The following IGFL2 variants were observed in gnomAD, a reference collection of about 807,000 sequenced individuals.
IGFL2 encodes IGF like family member 2, also known as insulin growth factor-like family member 2.
A neutral mutation model predicts 13.9 loss-of-function variants in IGFL2; 7 were observed. That is an observed-to-expected ratio of 0.51 (90% CI 0.29 to 0.95). IGFL2 has a LOEUF of 0.95. IGFL2 is among the 40% of genes least tolerant of loss of function. IGFL2 has a pLI of 0.08. For missense variants in IGFL2, 138 were observed against 147.8 expected (o/e 0.93, Z 0.34); for synonymous variants, 55 against 55.8 (o/e 0.99, Z 0.07).
the IGFL2 span, chr19:46,196,291 G>A: frequency 2.8e-4 from 67 of 240,960 alleles, no homozygotes; most frequent in East Asian, 6.9e-3. Context: ...ATTCCCACCC[G>A]AGCCCATCTC....
At chr19:46,137,326 G>T in the IGFL2 span, 1 of 1,089,320 alleles carries the variant, frequency 9.2e-7, no homozygotes, top group Non-Finnish European at 1.4e-6. Flanking sequence ...TCATTTATCT[G>T]AGAAGCTTGT....
chr19:46,209,107 G>GA, the IGFL2 span: 56,253 of 151,894 alleles, frequency 0.37, 11,818 homozygotes, highest in Middle Eastern at 0.51. Context: ...CAGACTATAA[G>GA]ACCCAGAAAA....
the IGFL2 span, among the ~76,000 whole-genome samples, chr19:46,194,850 ATATTTTTTTT>A: frequency 1.7e-4 from 6 of 35,616 alleles, no homozygotes; most frequent in Non-Finnish European, 1.6e-4. Context: ...ATATATATAT[ATATTTTTTTT>A]TTTTTTTTTT....
At chr19:46,213,845 C>A in the IGFL2 span, 1 of 153,954 alleles carries the variant, frequency 6.5e-6, no homozygotes. Flanking sequence ...CCACTCCCCC[C>A]ACCACCCCAT....
the IGFL2 span, among the ~76,000 whole-genome samples, chr19:46,188,421 C>T: frequency 6.6e-6 from 1 of 152,122 alleles, no homozygotes; most frequent in African/African-American, 2.4e-5. Flanking sequence ...ACCGCCCCCC[C>T]CACTCTCCTC....
the IGFL2 span, chr19:46,214,143 TC>T: frequency 1.3e-5 from 2 of 152,380 alleles, no homozygotes; most frequent in East Asian, 3.9e-4. Flanking sequence ...GGTATTGACA[TC>T]AAAGCATCAC....
At chr19:46,107,521 G>A in the IGFL2 span, among the ~76,000 whole-genome samples, 1 of 152,332 alleles carries the variant, frequency 6.6e-6, no homozygotes, top group South Asian at 2.1e-4. Context: ...AAGATCCTGG[G>A]GGAGGAGGTC....
chr19:46,098,602 C>T, the IGFL2 span, among the ~76,000 whole-genome samples: 4 of 151,918 alleles, frequency 2.6e-5, no homozygotes, highest in African/African-American at 9.7e-5. Flanking sequence ...CGTCAGCCTC[C>T]CAAGTAGCTG....
At chr19:46,131,611 A>C in the IGFL2 span, among the ~76,000 whole-genome samples, 1 of 152,182 alleles carries the variant, frequency 6.6e-6, no homozygotes, top group African/African-American at 2.4e-5. Context: ...ATGCTCTTCG[A>C]GGCTGAAGCG....
the IGFL2 span, among the ~76,000 whole-genome samples, chr19:46,079,587 C>G: frequency 6.6e-6 from 1 of 152,180 alleles, no homozygotes; most frequent in African/African-American, 2.4e-5. Flanking sequence ...AGGCCTCAGG[C>G]GCTTTGGAAA....
At chr19:46,121,514 A>G in the IGFL2 span, among the ~76,000 whole-genome samples, 3 of 150,628 alleles carry the variant, frequency 2.0e-5, no homozygotes, top group Admixed American at 6.6e-5. Context: ...CACTGAGAGG[A>G]GTAGTATTTT....
At chr19:46,096,487 C>G in the IGFL2 span, among the ~76,000 whole-genome samples, 1 of 152,106 alleles carries the variant, frequency 6.6e-6, no homozygotes, top group Non-Finnish European at 1.5e-5. Context: ...TTGACTTTCT[C>G]TCTTCCTATT....
At chr19:46,102,205 G>A in the IGFL2 span, among the ~76,000 whole-genome samples, 972 of 148,314 alleles carry the variant, frequency 6.6e-3, 6 homozygotes, top group Non-Finnish European at 9.4e-3. Flanking sequence ...AATTTCATGC[G>A]CGCGTCTGTG....
chr19:46,113,604 C>T, the IGFL2 span: 1 of 284,022 alleles, frequency 3.5e-6, no homozygotes. Flanking sequence ...AGACTTTTGG[C>T]TCCACTGATG....
chr19:46,193,072 A>G, the IGFL2 span, among the ~76,000 whole-genome samples: 1 of 152,014 alleles, frequency 6.6e-6, no homozygotes, highest in Admixed American at 6.5e-5. Context: ...TGTGTCTGTG[A>G]TCCCAGCTAC....
At chr19:46,213,554 C>A in the IGFL2 span, 1 of 156,272 alleles carries the variant, frequency 6.4e-6, no homozygotes. Context: ...GCTCGCTCCC[C>A]ACCCCAAACT....
chr19:46,100,090 T>G, the IGFL2 span, among the ~76,000 whole-genome samples: 1 of 152,120 alleles, frequency 6.6e-6, no homozygotes, highest in Non-Finnish European at 1.5e-5. Flanking sequence ...TTAGCAAAGT[T>G]TATTACCTAC....
chr19:46,174,353 C>G, the IGFL2 span, among the ~76,000 whole-genome samples: 1 of 152,110 alleles, frequency 6.6e-6, no homozygotes, highest in Non-Finnish European at 1.5e-5. Flanking sequence ...TTGTGGCTGG[C>G]TCTGGAGATC....
chr19:46,129,351 G>GTC, the IGFL2 span, among the ~76,000 whole-genome samples: 1 of 140,018 alleles, frequency 7.1e-6, no homozygotes, highest in African/African-American at 2.6e-5. Context: ...GTGTGTGTGT[G>GTC]TCTCTGTCTC....
Sources: gnomAD v4.1 joint callset for allele counts (sites outside exome capture counted in the v4.1 genomes callset) on GRCh38, gnomAD v4.1.1 for gene constraint, MANE v1.5 for transcripts, NCBI Gene and HGNC (gene_info 2026-07-23, HGNC 2026-07-21) for gene names.